The following CSMD1 variants were observed in gnomAD, a reference collection of about 807,000 sequenced individuals.
CSMD1 encodes CUB and sushi domain-containing protein 1.
Under a neutral mutation model 417.5 loss-of-function variants are expected in CSMD1, and 213 were observed. The ratio of observed to expected loss-of-function variants is 0.51; its 90% CI spans 0.46 to 0.57. CSMD1 has a LOEUF of 0.57. Ranked by LOEUF, CSMD1 falls within the 20% of genes least tolerant of loss-of-function variation. The pLI, the probability that CSMD1 is intolerant of heterozygous loss-of-function variation, is 0.00. For synonymous variants in CSMD1, 2,862 were observed against 1,736.8 expected (o/e 1.65, Z -16.11); for missense variants, 6,923 against 4,529.7 (o/e 1.53, Z -15.17).
intron 1 of CSMD1, among the ~76,000 whole-genome samples, chr8:4,882,643 C>G (rs778456577): frequency 6.6e-6 from 1 of 151,978 alleles, no homozygotes; most frequent in Non-Finnish European, 1.5e-5. Flanking sequence ...TTCCCATGCT[C>G]TGTGTACAAC....
intron 6 of CSMD1, among the ~76,000 whole-genome samples, chr8:3,727,450 T>A (rs1802559024): frequency 6.6e-6 from 1 of 152,144 alleles, no homozygotes; most frequent in Non-Finnish European, 1.5e-5. Context: ...AACATGAGGG[T>A]GACCAATGTG....
intron 30 of CSMD1, among the ~76,000 whole-genome samples, chr8:3,208,139 C>G (rs570746953): frequency 3.4e-4 from 52 of 152,268 alleles, no homozygotes; most frequent in African/African-American, 1.2e-3. Flanking sequence ...ACAATTCAAA[C>G]ATATCATTTT....
chr8:4,752,639 T>C (rs1460556606), intron 1 of CSMD1, among the ~76,000 whole-genome samples: 4 of 152,332 alleles, frequency 2.6e-5, no homozygotes, highest in African/African-American at 9.6e-5. Context: ...GGAAAATTGA[T>C]GTGCCATATT....
rs752200510 is a variant in CSMD1 at position 4,637,485 on chromosome 8, C to T, written c.159G>A (p.Pro53=). Residue 53 remains proline (P), a synonymous_variant, in exon 2 of 70, where the codon CCG becomes CCA. Coordinates refer to ENST00000635120, the MANE Select transcript of CSMD1 (RefSeq NM_033225.6). ...TGATCCAGGTGCAGTTGGCATAGTT[C>T]GGATACCCGTGAGGAAACCCTGGGC... ...IESPGFPHGY[P]NYANCTWIII... 41 of 1,613,636 alleles carry T rather than the reference C, an allele frequency of 2.5e-5. No homozygotes were observed. The highest frequency in any genetic ancestry group is 3.1e-5 in the Non-Finnish European group (37 of 1,179,856).
chr8:2,957,646 T>G, intron 63 of CSMD1, 50 bp downstream of exon 63: 2 of 1,158,366 alleles, frequency 1.7e-6, no homozygotes, highest in South Asian at 2.7e-5. Flanking sequence ...GTCTCAGACA[T>G]TCACAATAAA....
chr8:4,567,175 T>C (rs1798653582), intron 2 of CSMD1, among the ~76,000 whole-genome samples: 6 of 152,220 alleles, frequency 3.9e-5, no homozygotes, highest in Admixed American at 3.3e-4. Flanking sequence ...ACATTACTTT[T>C]ATGGTAGCAT....
At chr8:4,241,270 A>T (rs975499926) in intron 3 of CSMD1, among the ~76,000 whole-genome samples, 16 of 152,108 alleles carry the variant, frequency 1.1e-4, no homozygotes, top group African/African-American at 3.9e-4. Flanking sequence ...GCCCTAAATA[A>T]TCTCACCACA....
intron 3 of CSMD1, among the ~76,000 whole-genome samples, chr8:4,111,703 A>G (rs1388801645): frequency 6.6e-6 from 1 of 152,192 alleles, no homozygotes; most frequent in Non-Finnish European, 1.5e-5. Flanking sequence ...CTCACTTATA[A>G]GTGGGAGCTG....
intron 7 of CSMD1, among the ~76,000 whole-genome samples, chr8:3,707,631 G>A (rs776726120): frequency 3.3e-5 from 5 of 152,190 alleles, no homozygotes; most frequent in African/African-American, 1.2e-4. Flanking sequence ...ACATGTGTAA[G>A]GTCGTGTGGG....
intron 51 of CSMD1, among the ~76,000 whole-genome samples, chr8:3,023,988 C>G (rs550076568): frequency 3.9e-5 from 6 of 152,114 alleles, no homozygotes; most frequent in African/African-American, 1.4e-4. Flanking sequence ...TATGAAGAAG[C>G]TAGCACAGTG....
At chr8:4,732,537 C>T (rs977300307) in intron 1 of CSMD1, among the ~76,000 whole-genome samples, 1 of 152,040 alleles carries the variant, frequency 6.6e-6, no homozygotes, top group Admixed American at 6.5e-5. Flanking sequence ...TCTTGCAATG[C>T]AATTGAATTT....
chr8:3,033,963 G>A lies in CSMD1; in HGVS notation c.7661-4450C>T, dbSNP rs144866879. 4.4e-3 allele frequency among the ~76,000 whole-genome samples: 673 copies of A among 152,166 alleles called. 5 individuals are homozygous for A. Among genetic ancestry groups the A allele is most frequent in the African/African-American group, 0.015 (640 of 41,524 alleles). On this transcript the variant is annotated intron_variant, in intron 50 of 69. Coordinates refer to ENST00000635120, the MANE Select transcript of CSMD1 (RefSeq NM_033225.6). ...CACAGCAGCCTTGCTTCAGCCCATC[G>A]CGGGCCCCAGACTAGTCAGACCACC...
chr8:3,035,649 G>C (rs1265260320), intron 50 of CSMD1, among the ~76,000 whole-genome samples: 4 of 152,138 alleles, frequency 2.6e-5, no homozygotes, highest in African/African-American at 7.2e-5. Flanking sequence ...TAAAATTTTG[G>C]TCAACCTGGG....
rs1451281988 is a variant in CSMD1 at position 3,715,029 on chromosome 8, T to C, written c.932-6538A>G. On this transcript the variant is annotated intron_variant, in intron 6 of 69. Coordinates refer to ENST00000635120, the MANE Select transcript of CSMD1 (RefSeq NM_033225.6). ...AATTGCTTTCAAAATGTTTAACTTA[T>C]TCATTAATAGACACAATTACATAAT... Among the ~76,000 whole-genome samples, 10 of 152,340 alleles carry C rather than the reference T, an allele frequency of 6.6e-5. No homozygotes were observed. In the South Asian group the frequency reaches 2.1e-3, roughly 32 times the overall value.
chr8:4,469,956 C>G (rs1284315502), intron 2 of CSMD1, among the ~76,000 whole-genome samples: 1 of 150,456 alleles, frequency 6.6e-6, no homozygotes, highest in Non-Finnish European at 1.5e-5. Context: ...CAAGCTCCAC[C>G]TCCTGGATTC....
At chr8:4,314,398 A>G (rs79138810) in intron 3 of CSMD1, among the ~76,000 whole-genome samples, 3,329 of 152,288 alleles carry the variant, frequency 0.022, 119 homozygotes, top group African/African-American at 0.074. Context: ...TCACAGGCAA[A>G]CTAACAGAAA....
chr8:3,555,884 G>A (rs185191898), intron 10 of CSMD1, among the ~76,000 whole-genome samples: 1 of 152,130 alleles, frequency 6.6e-6, no homozygotes, highest in South Asian at 2.1e-4. Context: ...ATACTGTTTA[G>A]GGTTCCAGAA....
chr8:4,378,470 C>A (rs1268660370), intron 3 of CSMD1, among the ~76,000 whole-genome samples: 7 of 152,276 alleles, frequency 4.6e-5, no homozygotes, highest in African/African-American at 1.7e-4. Context: ...CACTCTGTCT[C>A]CCTAGTTTTT....
intron 1 of CSMD1, among the ~76,000 whole-genome samples, chr8:4,826,517 G>A (rs950894763): frequency 6.6e-6 from 1 of 152,072 alleles, no homozygotes; most frequent in Non-Finnish European, 1.5e-5. Context: ...AATTCATGGG[G>A]TACATGAAAA....
Sources: gnomAD v4.1 joint callset for allele counts (sites outside exome capture counted in the v4.1 genomes callset) on GRCh38, gnomAD v4.1.1 for gene constraint, MANE v1.5 for transcripts, NCBI Gene and HGNC (gene_info 2026-07-23, HGNC 2026-07-21) for gene names.